CHCHD6: variants seen among roughly 807,000 people sequenced by gnomAD.
CHCHD6 encodes the protein coiled-coil-helix-coiled-coil-helix domain containing 6, also known as MICOS complex subunit MIC25.
A neutral mutation model predicts 32.3 loss-of-function variants in CHCHD6; 28 were observed. The ratio of observed to expected loss-of-function variants is 0.87; its 90% CI spans 0.64 to 1.19. The LOEUF is 1.19. CHCHD6 is among the 50% of genes most tolerant of loss of function. The pLI is 0.00. For missense variants in CHCHD6, 333 were observed against 307.0 expected, an observed-to-expected ratio of 1.08 and a Z score of -0.63; for synonymous variants, 122 against 117.5, an observed-to-expected ratio of 1.04 and a Z score of -0.25.
At chr3:126,924,135 G>A (rs1219471679) in intron 6 of CHCHD6, among the ~76,000 whole-genome samples, 2 of 152,204 alleles carry the variant, frequency 1.3e-5, no homozygotes, top group African/African-American at 2.4e-5. Flanking sequence ...GGTGTGCGCC[G>A]TGCATGCTGG....
intron 5 of CHCHD6, among the ~76,000 whole-genome samples, chr3:126,909,429 T>G (rs2078054831): frequency 6.6e-6 from 1 of 152,214 alleles, no homozygotes; most frequent in Non-Finnish European, 1.5e-5. Context: ...CTCCTCACCA[T>G]GCTTCCCTCA....
At chr3:126,858,409 C>T (rs938278272) in intron 5 of CHCHD6, among the ~76,000 whole-genome samples, 4 of 152,030 alleles carry the variant, frequency 2.6e-5, no homozygotes, top group Non-Finnish European at 4.4e-5. Context: ...AGGAAAGAGT[C>T]GGCACACGAG....
At chr3:126,774,336 G>A (rs1048777028) in intron 4 of CHCHD6, among the ~76,000 whole-genome samples, 2 of 152,136 alleles carry the variant, frequency 1.3e-5, no homozygotes, top group African/African-American at 4.8e-5. Context: ...GGAAATTACA[G>A]ATTTACAGGA....
At chr3:126,797,535 C>T (rs1053115191) in intron 4 of CHCHD6, among the ~76,000 whole-genome samples, 4 of 152,100 alleles carry the variant, frequency 2.6e-5, no homozygotes, top group Non-Finnish European at 5.9e-5. Context: ...CTGAGTTTAC[C>T]GTGGGACTTC....
intron 4 of CHCHD6, among the ~76,000 whole-genome samples, chr3:126,803,769 A>T (rs545340590): frequency 5.3e-5 from 8 of 152,326 alleles, no homozygotes; most frequent in Admixed American, 3.3e-4. Context: ...CATTTTTGTC[A>T]GCACCACACC....
At chr3:126,887,819 A>G (rs1179327471) in intron 5 of CHCHD6, among the ~76,000 whole-genome samples, 1 of 152,210 alleles carries the variant, frequency 6.6e-6, no homozygotes, top group Admixed American at 6.5e-5. Context: ...CAGCTGGAGC[A>G]TCCTTTTTGC....
intron 4 of CHCHD6, among the ~76,000 whole-genome samples, chr3:126,771,314 C>G (rs989512288): frequency 3.9e-5 from 6 of 151,926 alleles, no homozygotes; most frequent in Non-Finnish European, 7.4e-5. Flanking sequence ...AGGCAATTCC[C>G]CTGCCTCAGC....
intron 1 of CHCHD6, among the ~76,000 whole-genome samples, chr3:126,714,767 A>T (rs1934930570): frequency 6.6e-6 from 1 of 152,180 alleles, no homozygotes; most frequent in East Asian, 1.9e-4. Context: ...CGTTGAGTGG[A>T]TGGAGCATGG....
At chr3:126,733,004 G>T in intron 3 of CHCHD6, 74 bp from the exon 4 acceptor site, 1 of 1,531,876 alleles carries the variant, frequency 6.5e-7, no homozygotes. Context: ...AAGTGAGTGC[G>T]CAGATCTTGT....
At chr3:126,930,989 G>A (rs1012433985) in intron 6 of CHCHD6, among the ~76,000 whole-genome samples, 3 of 152,242 alleles carry the variant, frequency 2.0e-5, no homozygotes, top group Admixed American at 1.3e-4. Flanking sequence ...AGTGTCTACA[G>A]TGAGGTCTTC....
intron 5 of CHCHD6, among the ~76,000 whole-genome samples, chr3:126,890,578 G>A (rs575817784): frequency 8.5e-5 from 13 of 152,288 alleles, no homozygotes; most frequent in South Asian, 4.1e-4. Flanking sequence ...TGTCATATAC[G>A]CAAAGCAGCA....
intron 4 of CHCHD6, among the ~76,000 whole-genome samples, chr3:126,797,934 C>G (rs781438481): frequency 1.3e-5 from 2 of 152,168 alleles, no homozygotes; most frequent in African/African-American, 4.8e-5. Flanking sequence ...TCCTCCTTGT[C>G]GAGGGAGGGT....
intron 6 of CHCHD6, among the ~76,000 whole-genome samples, chr3:126,915,846 A>T (rs1285545913): frequency 6.6e-6 from 1 of 152,118 alleles, no homozygotes; most frequent in Non-Finnish European, 1.5e-5. Flanking sequence ...GCTGGAGTGT[A>T]GTGGCAGAAT....
At chr3:126,930,120 G>A (rs942442053) in intron 6 of CHCHD6, among the ~76,000 whole-genome samples, 11 of 152,142 alleles carry the variant, frequency 7.2e-5, no homozygotes, top group African/African-American at 1.2e-4. Flanking sequence ...TGCATGCCCC[G>A]TCTCCTAATC....
At chr3:126,816,623 C>G (rs918078053) in intron 4 of CHCHD6, among the ~76,000 whole-genome samples, 2 of 152,152 alleles carry the variant, frequency 1.3e-5, no homozygotes, top group Admixed American at 1.3e-4. Context: ...TGAGCTTGGT[C>G]TTGAGCAGAT....
chr3:126,849,911 C>T (rs977591669), intron 4 of CHCHD6, among the ~76,000 whole-genome samples: 10 of 152,198 alleles, frequency 6.6e-5, no homozygotes, highest in South Asian at 2.1e-4. Flanking sequence ...CTGCGTGCTG[C>T]GTGGCCTCTC....
intron 4 of CHCHD6, among the ~76,000 whole-genome samples, chr3:126,744,513 C>G (rs866054224): frequency 6.6e-6 from 1 of 152,218 alleles, no homozygotes; most frequent in East Asian, 1.9e-4. Context: ...GCTGAGTGCA[C>G]TTGGGTAGAC....
chr3:126,792,319 T>C (rs1938590994), intron 4 of CHCHD6, among the ~76,000 whole-genome samples: 1 of 151,028 alleles, frequency 6.6e-6, no homozygotes, highest in Admixed American at 6.6e-5. Context: ...CATTATATGG[T>C]AGTTCTGTAT....
chr3:126,858,093 G>A (rs1382488215), intron 5 of CHCHD6, among the ~76,000 whole-genome samples: 1 of 152,184 alleles, frequency 6.6e-6, no homozygotes. Context: ...TGGCATGAAA[G>A]TGAGCCGTCC....
Sources: gnomAD v4.1 joint callset for allele counts (sites outside exome capture counted in the v4.1 genomes callset) on GRCh38, gnomAD v4.1.1 for gene constraint, MANE v1.5 for transcripts, NCBI Gene and HGNC (gene_info 2026-07-23, HGNC 2026-07-21) for gene names.